ZNF780B: variants seen among roughly 807,000 people sequenced by gnomAD.
The protein encoded by ZNF780B is zinc finger protein 780B.
Under a neutral mutation model 74.1 loss-of-function variants are expected in ZNF780B, and 52 were observed. That is an observed-to-expected ratio of 0.70 (90% CI 0.56 to 0.88). The LOEUF is 0.88. Ranked by LOEUF, ZNF780B falls within the 40% of genes least tolerant of loss-of-function variation. ZNF780B has a pLI of 0.00. For missense variants in ZNF780B, 953 were observed against 1,007.6 expected (o/e 0.95, Z 0.73); for synonymous variants, 315 against 324.3 (o/e 0.97, Z 0.31).
rs1297814490 is a variant in ZNF780B at position 40,036,004 on chromosome 19, G to C, written c.855C>G (p.Ala285=). The part of the protein sequence containing the change: ...KPYQCKECGK[A]FNRGSNLIQH... ...GAATAAGATTTGAACCACGATTAAA[G>C]GCTTTCCCACACTCCTTACATTGAT... Residue 285 remains alanine, a synonymous_variant, in exon 5 of 5, where the codon GCC becomes GCG. Coordinates refer to ENST00000434248, the MANE Select transcript of ZNF780B (RefSeq NM_001005851.3). The C allele has an allele frequency of 1.2e-6, 2 of 1,613,966 alleles. No homozygotes were observed. Among genetic ancestry groups the C allele is most frequent in the Admixed American group, 3.3e-5 (2 of 60,006 alleles).
chr19:40,044,650 T>C (rs1195264024), intron 4 of ZNF780B, among the ~76,000 whole-genome samples: 2 of 152,140 alleles, frequency 1.3e-5, no homozygotes, highest in African/African-American at 4.8e-5. Flanking sequence ...GAAAGGACAA[T>C]ATCTACCATT....
At chr19:40,047,329 T>C (rs1232085128) in intron 4 of ZNF780B, 46 bp downstream of exon 4, 2 of 1,514,686 alleles carry the variant, frequency 1.3e-6, no homozygotes, top group Admixed American at 1.7e-5. Flanking sequence ...ACATGGGCTG[T>C]CCGGGACAAT....
rs780073440 is a variant in ZNF780B at position 40,048,780 on chromosome 19, C to T, written c.26G>A (p.Arg9Lys). The T allele has an allele frequency of 6.2e-7, 1 of 1,614,158 alleles. No individual in the cohort carries two copies. Among genetic ancestry groups the T allele is most frequent in the Non-Finnish European group, 8.5e-7 (1 of 1,180,016 alleles). ...CTGAGAGAAGTCAATGGCCACATCC[C>T]TGAATGTCACTGATCCCTGAAACCA... The part of the protein sequence containing the change: MVHGSVTF[R>K]DVAIDFSQEE... Residue 9 changes from arginine to lysine, a missense_variant, in exon 3 of 5, where the codon AGG (arginine) becomes AAG (lysine). By Grantham distance (26) the Arg-to-Lys change is conservative. Transcript: ENST00000434248.
Position 40,034,270 on chromosome 19 carries a change from G to A in ZNF780B, c.*87C>T. 1 of 1,123,868 alleles carries A rather than the reference G, an allele frequency of 8.9e-7. No homozygotes were observed. Among genetic ancestry groups the A allele is most frequent in the Non-Finnish European group, 1.3e-6 (1 of 781,672 alleles). The allele number at this position is 1,123,868 out of a possible 1,614,324, so 69.6% of individuals were successfully genotyped here. A position where few individuals can be genotyped will look rare whatever the true frequency, so the allele number is the denominator to read the frequency against. On this transcript the variant is annotated 3_prime_UTR_variant, in exon 5 of 5. Transcript: ENST00000434248. Reference sequence around the variant, plus strand: ...TTCCCACATCCTTGACATTCATAAGGGTTCTCACGAATATGAAATCTATAA... The same window carrying A: ...TTCCCACATCCTTGACATTCATAAGAGTTCTCACGAATATGAAATCTATAA...
At chr19:40,052,104 A>G (rs2144841923) in intron 1 of ZNF780B, among the ~76,000 whole-genome samples, 1 of 152,298 alleles carries the variant, frequency 6.6e-6, no homozygotes, top group African/African-American at 2.4e-5. Context: ...ATTACAGGAC[A>G]CTTGATTTAT....
chr19:40,044,481 G>A (rs894944193), intron 4 of ZNF780B, among the ~76,000 whole-genome samples: 1 of 152,174 alleles, frequency 6.6e-6, no homozygotes, highest in African/African-American at 2.4e-5. Context: ...TACATTCAGT[G>A]TTGAAAGAAA....
Position 40,036,025 on chromosome 19 carries a change from T to G in ZNF780B, c.834A>C (p.Gln278His), listed in dbSNP as rs1358463535. The G allele has an allele frequency of 6.2e-7, 1 of 1,613,946 alleles. No homozygotes were observed. Among genetic ancestry groups the G allele is most frequent in the African/African-American group, 1.3e-5 (1 of 74,904 alleles). The change falls in exon 5 of 5, where the codon CAA (glutamine) becomes CAC (histidine). Residue 278 changes from glutamine to histidine, a missense_variant. Physicochemically the swap from Gln to His is conservative, Grantham distance 24. Coordinates refer to ENST00000434248, the MANE Select transcript of ZNF780B (RefSeq NM_001005851.3). ...TAAAGGCTTTCCCACACTCCTTACA[T>G]TGATATGGTTTTACACCAGCATGAA... ...QSIHAGVKPY[Q>H]CKECGKAFNR... is the part of the protein sequence containing the mutation.
At chr19:40,050,653 G>A (rs1467513634) in intron 1 of ZNF780B, among the ~76,000 whole-genome samples, 1 of 152,258 alleles carries the variant, frequency 6.6e-6, no homozygotes, top group African/African-American at 2.4e-5. Context: ...CTGCCTTGAA[G>A]TTGTGGCTTC....
intron 4 of ZNF780B, among the ~76,000 whole-genome samples, chr19:40,045,729 T>A (rs1167223482): frequency 1.3e-5 from 2 of 152,188 alleles, no homozygotes; most frequent in African/African-American, 2.4e-5. Flanking sequence ...GGCTCACACC[T>A]GTAATCCCAG....
chr19:40,047,597 G>C (rs1475583102), intron 3 of ZNF780B, 127 bp from the exon 4 acceptor site: 1 of 538,508 alleles, frequency 1.9e-6, no homozygotes, highest in Non-Finnish European at 3.1e-6. Flanking sequence ...CCAGATAAGA[G>C]AGGATTGAGT....
intron 1 of ZNF780B, among the ~76,000 whole-genome samples, chr19:40,051,653 G>T (rs1302533376): frequency 6.6e-6 from 1 of 152,156 alleles, no homozygotes; most frequent in East Asian, 1.9e-4. Flanking sequence ...CTGTCATGAG[G>T]ATCAAAAAGA....
rs762872931 is a variant in ZNF780B at position 40,036,073 on chromosome 19, T to C, written c.786A>G (p.Ser262=). 2.0e-5 allele frequency: 32 copies of C among 1,613,312 alleles called. No homozygotes were observed. The East Asian group carries it at 6.9e-4, about 35-fold the overall frequency. ...KECGKSFNRS[S]NLTQHQSIHA... is the part of the protein sequence containing the mutation. ...GAATACTTTGATGCTGAGTAAGGTT[T>C]GAGCTACGATTAAAAGACTTCCCAC... The change falls in exon 5 of 5, where the codon TCA becomes TCG. Residue 262 remains serine, a synonymous_variant. Coordinates refer to ENST00000434248, the MANE Select transcript of ZNF780B (RefSeq NM_001005851.3).
chr19:40,041,393 G>A (rs1181045517), intron 4 of ZNF780B, among the ~76,000 whole-genome samples: 13 of 152,204 alleles, frequency 8.5e-5, no homozygotes, highest in Admixed American at 6.5e-5. Context: ...TTGATTTGGG[G>A]TGGAGAGTTC....
Position 40,048,662 on chromosome 19 carries a change from G to T in ZNF780B, c.136+8C>A, listed in dbSNP as rs757395980. 1.2e-6 allele frequency: 2 copies of T among 1,614,126 alleles called. No individual in the cohort carries two copies. The highest frequency in any genetic ancestry group is 3.3e-5 in the Admixed American group (2 of 60,010). On this transcript the variant is annotated splice_region_variant and intron_variant, in intron 3 of 4. Coordinates refer to ENST00000434248, the MANE Select transcript of ZNF780B (RefSeq NM_001005851.3). ...AGATACAAAAATAACTGGGACCAAT[G>T]ACCTTACCCAGTGATATCAGGTGGC...
intron 4 of ZNF780B, among the ~76,000 whole-genome samples, chr19:40,045,931 T>C (rs1264429030): frequency 6.6e-6 from 1 of 152,010 alleles, no homozygotes; most frequent in Non-Finnish European, 1.5e-5. Flanking sequence ...GAGGTTGCAG[T>C]GGGCCAAGAT....
rs200626277 is a variant in ZNF780B, at chr19:40,042,886, ACTT to A, written c.232+4486_232+4488del. On this transcript the variant is annotated intron_variant, in intron 4 of 4. Coordinates refer to ENST00000434248, the MANE Select transcript of ZNF780B (RefSeq NM_001005851.3). ...CTCGGAGTAGTTTGATTGTCTGAAGACTTCTTCTCTCAACTTGTCAAAGTCATT... is the reference window on the plus strand; with the variant it reads ...CTCGGAGTAGTTTGATTGTCTGAAGACTTCTCTCAACTTGTCAAAGTCATT... Among the ~76,000 whole-genome samples the A allele has an allele frequency of 4.0e-4, 61 of 152,004 alleles. 1 individual carries two copies. The East Asian group carries it at 8.1e-3, about 20-fold the overall frequency.
Position 40,032,028 on chromosome 19 carries a change from C to T in ZNF780B, c.*2329G>A. 1 of 455,638 alleles carries T rather than the reference C, an allele frequency of 2.2e-6. No homozygotes were observed. The highest frequency in any genetic ancestry group is 4.4e-6 in the Non-Finnish European group (1 of 226,586). 28.2% of individuals were successfully genotyped at this position (455,638 alleles called of 1,614,324 possible). On this transcript the variant is annotated 3_prime_UTR_variant, in exon 5 of 5. Coordinates refer to ENST00000434248, the MANE Select transcript of ZNF780B (RefSeq NM_001005851.3). ...CTTCCCCAAAACGTTTAATCTAGACCTAAGAAAGCCTCTGGACTTACTTTC... is the reference window on the plus strand; with the variant it reads ...CTTCCCCAAAACGTTTAATCTAGACTTAAGAAAGCCTCTGGACTTACTTTC...
In ZNF780B at chr19:40,035,157, G is replaced by A. The variant is rs374237084; in HGVS notation, c.1702C>T (p.Arg568Cys). ...ECKECGKFFR[R>C]GSNLNQHRSI... ...CGATGTTGATTAAGATTTGAACCAC[G>A]ACGAAAGAATTTCCCACATTCCTTA... is the stretch of plus-strand genomic sequence containing the variant. Residue 568 changes from arginine to cysteine, a missense_variant, in exon 5 of 5, where the codon CGT becomes TGT. Physicochemically the swap from Arg to Cys is radical, Grantham distance 180. Coordinates refer to ENST00000434248, the MANE Select transcript of ZNF780B (RefSeq NM_001005851.3). 6.9e-5 allele frequency: 112 copies of A among 1,613,374 alleles called. No homozygotes were observed. The highest frequency in any genetic ancestry group is 9.3e-5 in the African/African-American group (7 of 74,892).
rs1417044829 is a variant in ZNF780B at position 40,031,591 on chromosome 19, T to C, written c.*2766A>G. On this transcript the variant is annotated 3_prime_UTR_variant, in exon 5 of 5. Transcript: ENST00000434248. Reference sequence around the variant, plus strand: ...TTTTCAAATTTTTATCAACAGCTCATGTACCAGCCATGGTATAGGTGCTGG... The same window carrying C: ...TTTTCAAATTTTTATCAACAGCTCACGTACCAGCCATGGTATAGGTGCTGG... The C allele has an allele frequency of 6.5e-6, 1 of 153,306 alleles. No individual in the cohort carries two copies. Among genetic ancestry groups the C allele is most frequent in the Non-Finnish European group, 1.5e-5 (1 of 68,808 alleles). 9.5% of individuals were successfully genotyped at this position (153,306 alleles called of 1,614,324 possible). A position where few individuals can be genotyped will look rare whatever the true frequency, so the allele number is the denominator to read the frequency against.
Sources: gnomAD v4.1 joint callset for allele counts (sites outside exome capture counted in the v4.1 genomes callset) on GRCh38, gnomAD v4.1.1 for gene constraint, MANE v1.5 for transcripts, NCBI Gene and HGNC (gene_info 2026-07-23, HGNC 2026-07-21) for gene names.